Variants in C9orf72 observed in about 807,000 individuals in gnomAD.
The protein encoded by C9orf72 is C9orf72-SMCR8 complex subunit, also known as guanine nucleotide exchange factor C9orf72.
C9orf72 carries 44 observed loss-of-function variants against 51.6 expected under a neutral mutation model. The observed-to-expected ratio is 0.85, with a 90% CI of 0.67 to 1.10. The LOEUF (loss-of-function observed/expected upper bound fraction) is 1.10. Among genes scored for constraint, C9orf72 ranks in the 50% least tolerant of loss-of-function variants. C9orf72 has a pLI of 0.00. For missense variants in C9orf72, 607 were observed against 570.6 expected, an observed-to-expected ratio of 1.06 and a Z score of -0.65; for synonymous variants, 213 against 194.2, an observed-to-expected ratio of 1.10 and a Z score of -0.81.
intron 6 of C9orf72, chr9:27,559,268 T>TA (rs3063740): frequency 0.36 from 49,040 of 135,308 alleles, 9,822 homozygotes; most frequent in Non-Finnish European, 0.48. Flanking sequence ...GAAAAATGTT[T>TA]AAAAAAAAAA....
intron 1 of C9orf72, among the ~76,000 whole-genome samples, chr9:27,572,719 G>A (rs989713423): frequency 6.6e-6 from 1 of 152,124 alleles, no homozygotes; most frequent in African/African-American, 2.4e-5. Context: ...TAGACCCAAT[G>A]AGCACACGGA....
rs372541138 is a variant in C9orf72, at chr9:27,566,748, G to C, written c.373C>G (p.Leu125Val). ...TCAACACACACTCTATGAAGTGGGA[G>C]GTAGAAACTAAGTTCTGTCTGTGGA... Reference protein sequence around the residue: ...ILPQTELSFYLPLHRVCVDRL... With the variant: ...ILPQTELSFYVPLHRVCVDRL... Residue 125 changes from leucine (L) to valine (V), a missense_variant, in exon 2 of 11, where the codon CTC becomes GTC. Coordinates refer to ENST00000380003, the MANE Select transcript of C9orf72 (RefSeq NM_018325.5). 6 of 1,613,634 alleles carry C rather than the reference G, an allele frequency of 3.7e-6. No homozygotes were observed. The African/African-American group carries it at 8.0e-5, about 22-fold the overall frequency.
At chr9:27,556,510 C>T in intron 8 of C9orf72, 51 bp downstream of exon 8, 1 of 1,211,456 alleles carries the variant, frequency 8.3e-7, no homozygotes, top group Non-Finnish European at 1.2e-6. Flanking sequence ...TCGTAAAAGA[C>T]ACAATTTCAT....
At chr9:27,553,619 C>A (rs1189752166) in intron 8 of C9orf72, among the ~76,000 whole-genome samples, 3 of 152,076 alleles carry the variant, frequency 2.0e-5, no homozygotes, top group Admixed American at 1.3e-4. Flanking sequence ...TGGAAGACAA[C>A]CTAGGAAATA....
chr9:27,558,402 T>C lies in C9orf72; in HGVS notation c.855+89A>G, dbSNP rs202082885. The stretch of plus-strand genomic sequence containing the variant: ...TCTGGGCATGTCAATATGAGATACA[T>C]TAAATGCTAATATTTAAGATTTGTC... On this transcript the variant is annotated intron_variant, in intron 7 of 10. Coordinates refer to ENST00000380003, the MANE Select transcript of C9orf72 (RefSeq NM_018325.5). 14 of 764,456 alleles carry C rather than the reference T, an allele frequency of 1.8e-5. No homozygotes were observed. The Middle Eastern group carries it at 1.6e-3, about 89-fold the overall frequency. 47.4% of individuals were successfully genotyped at this position (764,456 alleles called of 1,614,324 possible).
chr9:27,555,805 C>T (rs368316557), intron 8 of C9orf72, among the ~76,000 whole-genome samples: 1 of 152,028 alleles, frequency 6.6e-6, no homozygotes, highest in South Asian at 2.1e-4. Context: ...TCAAGTGATC[C>T]GCCTGCCTTG....
intron 8 of C9orf72, among the ~76,000 whole-genome samples, chr9:27,555,123 G>A (rs35815580): frequency 0.059 from 8,913 of 152,146 alleles, 305 homozygotes; most frequent in East Asian, 0.12. Flanking sequence ...AAAAGAAAAT[G>A]TTTCAAGGCA....
intron 6 of C9orf72, chr9:27,559,684 AG>A (rs1819294118): frequency 1.3e-5 from 2 of 152,162 alleles, no homozygotes; most frequent in Admixed American, 6.6e-5. Context: ...TTAGTTTATT[AG>A]CTAATGCTTG....
intron 6 of C9orf72, chr9:27,560,023 A>T: frequency 3.2e-6 from 1 of 312,068 alleles, no homozygotes; most frequent in Non-Finnish European, 6.0e-6. Flanking sequence ...TTTCCGAGCT[A>T]TCAAAATAAA....
At chr9:27,569,553 G>A (rs1009800220) in intron 1 of C9orf72, among the ~76,000 whole-genome samples, 10 of 152,188 alleles carry the variant, frequency 6.6e-5, no homozygotes, top group African/African-American at 2.4e-4. Context: ...TTGTGGCCTA[G>A]GAGCAACAGA....
chr9:27,561,483 C>T lies in C9orf72; in HGVS notation c.665+102G>A, dbSNP rs906603399. The T allele has an allele frequency of 3.2e-5, 49 of 1,531,316 alleles. 1 individual carries two copies. The South Asian group carries it at 5.9e-4, about 18-fold the overall frequency. The allele number at this position is 1,531,316 out of a possible 1,614,324, so 94.9% of individuals were successfully genotyped here. The stretch of plus-strand genomic sequence containing the variant: ...AAATACGTAATGTCCCTAGAACAAT[C>T]TAAGTAGACAGTCTGTTATTTTCTT... On this transcript the variant is annotated intron_variant, in intron 5 of 10. Transcript: ENST00000380003.
intron 5 of C9orf72, 106 bp downstream of exon 5, chr9:27,561,479 C>A (rs1174452503): frequency 9.9e-6 from 15 of 1,518,650 alleles, no homozygotes; most frequent in Non-Finnish European, 1.1e-5. Context: ...GTCCCTAGAA[C>A]AATCTAAGTA....
At chr9:27,561,693 T>C in intron 4 of C9orf72, 44 bp from the exon 5 acceptor site, 1 of 1,260,532 alleles carries the variant, frequency 7.9e-7, no homozygotes, top group South Asian at 1.3e-5. Flanking sequence ...GGCTGTAACA[T>C]AGTGTTGAAA....
intron 3 of C9orf72, among the ~76,000 whole-genome samples, chr9:27,563,807 A>C (rs1393802780): frequency 6.6e-6 from 1 of 152,192 alleles, no homozygotes; most frequent in East Asian, 1.9e-4. Flanking sequence ...TTTAGTTTTT[A>C]AAGTAATAAT....
chr9:27,554,435 A>C (rs1170246204), intron 8 of C9orf72, among the ~76,000 whole-genome samples: 5 of 152,312 alleles, frequency 3.3e-5, no homozygotes, highest in Non-Finnish European at 5.9e-5. Flanking sequence ...GGAGCTAAAC[A>C]CTGAGTATAC....
At chr9:27,562,564 A>T in intron 3 of C9orf72, 88 bp from the exon 4 acceptor site, 3 of 554,426 alleles carry the variant, frequency 5.4e-6, no homozygotes, top group Non-Finnish European at 9.2e-6. Context: ...TCAAACAATA[A>T]CATTCTTTGA....
intron 7 of C9orf72, 101 bp downstream of exon 7, chr9:27,558,390 A>G: frequency 1.4e-6 from 1 of 731,758 alleles, no homozygotes. Flanking sequence ...GGGCATGTCA[A>G]TATGAGATAC....
At chr9:27,548,961 C>T (rs1408588298) in intron 9 of C9orf72, among the ~76,000 whole-genome samples, 1 of 152,046 alleles carries the variant, frequency 6.6e-6, no homozygotes, top group Non-Finnish European at 1.5e-5. Flanking sequence ...TCTCCTGCCT[C>T]AGCCTCCCAG....
intron 3 of C9orf72, among the ~76,000 whole-genome samples, chr9:27,564,066 T>C (rs190734628): frequency 6.6e-6 from 1 of 151,024 alleles, no homozygotes; most frequent in East Asian, 2.0e-4. Context: ...TATTTCCTCT[T>C]AGGTTTAAGC....
Sources: allele counts gnomAD v4.1 joint callset (sites outside exome capture counted in the v4.1 genomes callset), GRCh38; gene constraint gnomAD v4.1.1; transcripts MANE v1.5; gene names NCBI Gene and HGNC (gene_info 2026-07-23, HGNC 2026-07-21).